The following ANKS1B variants were observed in gnomAD, a reference collection of about 807,000 sequenced individuals.
ANKS1B encodes the protein ankyrin repeat and sterile alpha motif domain containing 1B, also known as ankyrin repeat and sterile alpha motif domain-containing protein 1B.
Under a neutral mutation model 148.3 loss-of-function variants are expected in ANKS1B, and 36 were observed. The observed-to-expected ratio is 0.24, with a 90% CI of 0.19 to 0.32. The LOEUF (loss-of-function observed/expected upper bound fraction) is 0.32. Among genes scored for constraint, ANKS1B ranks in the 10% least tolerant of loss-of-function variants. The pLI, the probability that ANKS1B is intolerant of heterozygous loss-of-function variation, is 1.00. For missense variants in ANKS1B, 1,157 were observed against 1,542.6 expected (o/e 0.75, Z 4.19); for synonymous variants, 542 against 560.8 (o/e 0.97, Z 0.47).
intron 17 of ANKS1B, among the ~76,000 whole-genome samples, chr12:98,944,302 C>CACAA (rs767090859): frequency 4.5e-5 from 4 of 88,046 alleles, no homozygotes; most frequent in Non-Finnish European, 8.7e-5. Flanking sequence ...CTCCACCTCA[C>CACAA]AAAAAAAAAA....
chr12:99,910,364 A>C (rs2093960857), intron 1 of ANKS1B, among the ~76,000 whole-genome samples: 1 of 150,178 alleles, frequency 6.7e-6, no homozygotes, highest in Admixed American at 6.6e-5. Flanking sequence ...CAAAAAAAAA[A>C]AAAAAAAAAA....
chr12:99,649,315 A>AAGGAGCAATTC, intron 9 of ANKS1B: 1 of 1,614,122 alleles, frequency 6.2e-7, no homozygotes, highest in Non-Finnish European at 8.5e-7. Flanking sequence ...TTGTGAAGAG[A>AAGGAGCAATTC]AGGAGCAATT....
At chr12:99,437,302 G>T (rs149414455) in intron 11 of ANKS1B, among the ~76,000 whole-genome samples, 2,228 of 151,900 alleles carry the variant, frequency 0.015, 56 homozygotes, top group South Asian at 0.04. Flanking sequence ...TCTCCTAAAG[G>T]CCCCACTTTT....
At chr12:99,227,023 G>A (rs2086053070) in intron 14 of ANKS1B, among the ~76,000 whole-genome samples, 3 of 152,212 alleles carry the variant, frequency 2.0e-5, no homozygotes, top group Admixed American at 2.0e-4. Context: ...GGAATGAACT[G>A]TTAAGGTAGG....
intron 15 of ANKS1B, among the ~76,000 whole-genome samples, chr12:99,085,462 T>C (rs894271552): frequency 6.6e-6 from 1 of 152,170 alleles, no homozygotes; most frequent in Admixed American, 6.5e-5. Context: ...GACTTACACA[T>C]TGATATGAAT....
intron 12 of ANKS1B, among the ~76,000 whole-genome samples, chr12:99,273,180 T>G (rs2077241535): frequency 6.6e-6 from 1 of 152,148 alleles, no homozygotes; most frequent in Admixed American, 6.5e-5. Context: ...GGGTTTTTGT[T>G]TCCTCCCTCT....
chr12:99,761,470 T>TA (rs2062110429), intron 8 of ANKS1B, among the ~76,000 whole-genome samples: 1 of 151,872 alleles, frequency 6.6e-6, no homozygotes, highest in African/African-American at 2.4e-5. Context: ...ATAGATGCAA[T>TA]AAAGATACCT....
intron 14 of ANKS1B, among the ~76,000 whole-genome samples, chr12:99,211,233 C>A (rs1228249221): frequency 6.6e-6 from 1 of 152,116 alleles, no homozygotes; most frequent in Non-Finnish European, 1.5e-5. Flanking sequence ...CTGAACTAGG[C>A]CCAACAGACC....
intron 11 of ANKS1B, among the ~76,000 whole-genome samples, chr12:99,441,099 A>G (rs1265669284): frequency 6.6e-6 from 1 of 151,956 alleles, no homozygotes; most frequent in Non-Finnish European, 1.5e-5. Context: ...ATAAATTTTT[A>G]GAACGGTCTT....
In ANKS1B at chr12:98,848,743, G is replaced by GTTTTTTTTTTTTTGTTT. The variant is rs2099500753; in HGVS notation, c.2779-16608_2779-16607insAAACAAAAAAAAAAAAA. 2.5e-4 allele frequency among the ~76,000 whole-genome samples: 12 copies of GTTTTTTTTTTTTTGTTT among 48,090 alleles called. 4 individuals are homozygous for GTTTTTTTTTTTTTGTTT. The highest frequency in any genetic ancestry group is 1.1e-3 in the African/African-American group (12 of 11,206). 31.5% of individuals were successfully genotyped at this position (48,090 alleles called of 152,430 possible). On this transcript the variant is annotated intron_variant, in intron 17 of 26. Transcript: ENST00000683438. ...CTGGATTAATTTCTGTGTATGTGTG[G>GTTTTTTTTTTTTTGTTT]TTTTTTTTTTTTTGAGACGGAGTCT...
At chr12:99,369,438 G>A (rs2092960866) in intron 12 of ANKS1B, among the ~76,000 whole-genome samples, 1 of 152,144 alleles carries the variant, frequency 6.6e-6, no homozygotes, top group Admixed American at 6.6e-5. Context: ...AAAGAAACTT[G>A]AGTGATGTAA....
rs571666170 is a variant in ANKS1B, at chr12:99,269,610, G to T, written c.1757-22746C>A. ...GTCTCACTCTGTTGCTCAGGCTGGA[G>T]TGCAGTAGCGCAATCTCGGCTCACT... On this transcript the variant is annotated intron_variant, in intron 12 of 26. Coordinates refer to ENST00000683438, the MANE Select transcript of ANKS1B (RefSeq NM_001352186.2). 5.9e-5 allele frequency among the ~76,000 whole-genome samples: 9 copies of T among 152,208 alleles called. No homozygotes were observed. In the East Asian group the frequency reaches 1.4e-3, roughly 23 times the overall value.
chr12:99,483,258 C>T (rs2096440971), intron 10 of ANKS1B, among the ~76,000 whole-genome samples: 2 of 151,752 alleles, frequency 1.3e-5, no homozygotes, highest in Non-Finnish European at 2.9e-5. Context: ...TTGAGATGAT[C>T]ATATCATTTT....
intron 9 of ANKS1B, among the ~76,000 whole-genome samples, chr12:99,634,223 A>C (rs1227511561): frequency 6.6e-6 from 1 of 152,146 alleles, no homozygotes; most frequent in Admixed American, 6.5e-5. Context: ...TACATTCATC[A>C]ATTAATAGAT....
intron 9 of ANKS1B, among the ~76,000 whole-genome samples, chr12:99,527,213 A>G (rs575037274): frequency 0.01 from 1,554 of 152,272 alleles, 36 homozygotes; most frequent in African/African-American, 0.036. Flanking sequence ...GTTAAAAAAA[A>G]CAGTAAAAGG....
At chr12:98,940,691 G>A (rs1342319663) in intron 17 of ANKS1B, among the ~76,000 whole-genome samples, 2 of 152,258 alleles carry the variant, frequency 1.3e-5, no homozygotes, top group Middle Eastern at 3.4e-3. Flanking sequence ...CTGAGACAAA[G>A]TGCTAAATAA....
At chr12:99,220,031 G>A (rs377035173) in intron 14 of ANKS1B, among the ~76,000 whole-genome samples, 241 of 152,282 alleles carry the variant, frequency 1.6e-3, no homozygotes, top group South Asian at 0.016. Flanking sequence ...ATGGAATCTT[G>A]CTCTGTCGCC....
intron 8 of ANKS1B, among the ~76,000 whole-genome samples, chr12:99,729,248 C>T (rs1036914144): frequency 1.3e-5 from 2 of 152,264 alleles, no homozygotes; most frequent in Middle Eastern, 3.4e-3. Flanking sequence ...TAATTTTTGG[C>T]ACCTTAAAGA....
chr12:98,739,422 GT>G (rs566942398), downstream of ANKS1B, among the ~76,000 whole-genome samples: 184 of 152,362 alleles, frequency 1.2e-3, no homozygotes, highest in Non-Finnish European at 2.1e-3. Context: ...GATGGGACAG[GT>G]GGGGGGAATG....
Sources: gnomAD v4.1 joint callset for allele counts (sites outside exome capture counted in the v4.1 genomes callset) on GRCh38, gnomAD v4.1.1 for gene constraint, MANE v1.5 for transcripts, NCBI Gene and HGNC (gene_info 2026-07-23, HGNC 2026-07-21) for gene names.